The following PARD6G variants were observed in gnomAD, a reference collection of about 807,000 sequenced individuals.
PARD6G encodes partitioning defective 6 homolog gamma.
PARD6G carries 7 observed loss-of-function variants against 10.7 expected under a neutral mutation model. The ratio of observed to expected loss-of-function variants is 0.66; its 90% CI spans 0.37 to 1.23. PARD6G has a LOEUF of 1.23. PARD6G is among the 50% of genes most tolerant of loss of function. The probability of loss-of-function intolerance (pLI) is 0.02; values close to 1 mark genes in which losing one functional copy is unlikely to be tolerated. For synonymous variants in PARD6G, 287 were observed against 269.4 expected (o/e 1.07, Z -0.64); for missense variants, 548 against 571.8 (o/e 0.96, Z 0.42).
intron 1 of PARD6G, among the ~76,000 whole-genome samples, chr18:80,209,108 AAAACAAAC>A (rs999101770): frequency 5.3e-5 from 8 of 151,772 alleles, no homozygotes; most frequent in Non-Finnish European, 1.2e-4. Flanking sequence ...TCGAAAAAAG[AAAACAAAC>A]AAACAAACAA....
chr18:80,193,275 G>A (rs1252159231), intron 2 of PARD6G, among the ~76,000 whole-genome samples: 2 of 152,140 alleles, frequency 1.3e-5, no homozygotes, highest in African/African-American at 4.8e-5. Context: ...CGCATGGCCT[G>A]GGGAAGGGTC....
rs372668324 is a variant in PARD6G at position 80,160,667 on chromosome 18, G to A, written c.296-61C>T. ...CCGAGCCCCGCCTGAGCCCTCGGCC[G>A]TCATACACCTGGCACTGCTGTTCCA... On this transcript the variant is annotated intron_variant, in intron 2 of 2. Transcript: ENST00000353265. 2.9e-4 allele frequency: 420 copies of A among 1,426,446 alleles called. 1 individual carries two copies. In the African/African-American group the frequency reaches 5.6e-3, roughly 19 times the overall value. 88.4% of individuals were successfully genotyped at this position (1,426,446 alleles called of 1,614,324 possible).
At position 80,185,967 on chromosome 18, in the gene PARD6G, T is replaced by A. The variant is rs1480107437; in HGVS notation, c.295+16743A>T. ...CCTCACGCACGCATGCACCCACACA[T>A]GCACCCTCACACACGCATATACCCT... On this transcript the variant is annotated intron_variant, in intron 2 of 2. Transcript: ENST00000353265. Among the ~76,000 whole-genome samples the A allele has an allele frequency of 3.6e-5, 3 of 83,340 alleles. No homozygotes were observed. The Admixed American group carries it at 4.2e-4, about 12-fold the overall frequency. 54.7% of individuals were successfully genotyped at this position (83,340 alleles called of 152,430 possible). A position where few individuals can be genotyped will look rare whatever the true frequency, so the allele number is the denominator to read the frequency against.
chr18:80,212,005 G>A (rs1037224691), intron 1 of PARD6G, among the ~76,000 whole-genome samples: 3 of 152,030 alleles, frequency 2.0e-5, no homozygotes, highest in Non-Finnish European at 4.4e-5. Context: ...ATATACAGCA[G>A]GTCCTCAAAT....
chr18:80,218,493 AG>A (rs1967194398), intron 1 of PARD6G, among the ~76,000 whole-genome samples: 1 of 152,230 alleles, frequency 6.6e-6, no homozygotes, highest in African/African-American at 2.4e-5. Flanking sequence ...TGCAAGAGGT[AG>A]GCTCCCATGG....
At position 80,202,933 on chromosome 18, in the gene PARD6G, CT is replaced by C; in HGVS notation, c.73-2del. On this transcript the variant is annotated splice_acceptor_variant, in intron 1 of 2. Transcript: ENST00000353265. LOFTEE classifies it high-confidence loss of function. ...AGAACCTTCGGAATTCCGCCCCAAA[CT>C]ACAATGCAAGAGACGGGGTGGGGGG... 6.5e-7 allele frequency: 1 copy of C among 1,538,892 alleles called. No homozygotes were observed. The highest frequency in any genetic ancestry group is 8.8e-7 in the Non-Finnish European group (1 of 1,139,618).
At chr18:80,233,419 G>A (rs927308613) in intron 1 of PARD6G, among the ~76,000 whole-genome samples, 1 of 152,150 alleles carries the variant, frequency 6.6e-6, no homozygotes, top group Non-Finnish European at 1.5e-5. Flanking sequence ...TGGGCCCAAG[G>A]TGACTGCAGG....
Position 80,180,293 on chromosome 18 carries a change from G to A in PARD6G, c.296-19687C>T, listed in dbSNP as rs762135138. On this transcript the variant is annotated intron_variant, in intron 2 of 2. Transcript: ENST00000353265. The surrounding 1 kb of genome is among the most constrained non-coding windows in gnomAD (Gnocchi z 5.6). ...TGAGGCCTCTGCTTGGGAAGTTCCTGTCAGGAGAGGCAGGCAGGGCGTGGG... is the reference window on the plus strand; with the variant it reads ...TGAGGCCTCTGCTTGGGAAGTTCCTATCAGGAGAGGCAGGCAGGGCGTGGG... Among the ~76,000 whole-genome samples, 2 of 152,236 alleles carry A rather than the reference G, an allele frequency of 1.3e-5. No individual in the cohort carries two copies. The highest frequency in any genetic ancestry group is 1.9e-4 in the East Asian group (1 of 5,194).
chr18:80,174,293 C>G (rs2052795004), intron 2 of PARD6G, among the ~76,000 whole-genome samples: 2 of 152,176 alleles, frequency 1.3e-5, no homozygotes, highest in Admixed American at 1.3e-4. Context: ...CCTATTTCCT[C>G]CTTGGTCTTC....
chr18:80,216,785 G>A (rs1275720094), intron 1 of PARD6G, among the ~76,000 whole-genome samples: 1 of 152,036 alleles, frequency 6.6e-6, no homozygotes, highest in Admixed American at 6.5e-5. Flanking sequence ...ATAAACGGAA[G>A]ACTCAAAAAA....
Position 80,184,491 on chromosome 18 carries a change from C to T in PARD6G, c.295+18219G>A, listed in dbSNP as rs1381901593. 4.0e-5 allele frequency: 6 copies of T among 151,892 alleles called. No individual in the cohort carries two copies. Among genetic ancestry groups the T allele is most frequent in the African/African-American group, 9.7e-5 (4 of 41,228 alleles). The allele number at this position is 151,892 out of a possible 1,614,324, so 9.4% of individuals were successfully genotyped here. A position where few individuals can be genotyped will look rare whatever the true frequency, so the allele number is the denominator to read the frequency against. On this transcript the variant is annotated intron_variant, in intron 2 of 2. Coordinates refer to ENST00000353265, the MANE Select transcript of PARD6G (RefSeq NM_032510.4). This position sits in a 1 kb window ranked among gnomAD's most constrained non-coding sequence, Gnocchi z 4.5. ...CGTGAAACCTGCAGCGGGAGCAAGG[C>T]GGTGAAACCCGCAGAGGGAGCAAGG...
chr18:80,242,149 GC>G (rs920295893), intron 1 of PARD6G, among the ~76,000 whole-genome samples: 4 of 151,918 alleles, frequency 2.6e-5, no homozygotes, highest in African/African-American at 7.3e-5. Context: ...CGCCATCAGT[GC>G]CCCCCAGGCT....
chr18:80,189,711 T>A lies in PARD6G; in HGVS notation c.295+12999A>T, dbSNP rs921114828. 6.6e-5 allele frequency among the ~76,000 whole-genome samples: 10 copies of A among 152,042 alleles called. No homozygotes were observed. Among genetic ancestry groups the A allele is most frequent in the African/African-American group, 2.4e-4 (10 of 41,398 alleles). ...ACGTCCCCTGGGAGTCCCCCGTCCG[T>A]CGTTGAGGCTGTTCTTTCATCTCCC... On this transcript the variant is annotated intron_variant, in intron 2 of 2. Transcript: ENST00000353265. This position sits in a 1 kb window ranked among gnomAD's most constrained non-coding sequence, Gnocchi z 5.5.
rs1290157280 is a variant in PARD6G, at chr18:80,183,325, G to A, written c.295+19385C>T. On this transcript the variant is annotated intron_variant, in intron 2 of 2. Coordinates refer to ENST00000353265, the MANE Select transcript of PARD6G (RefSeq NM_032510.4). This position sits in a 1 kb window ranked among gnomAD's most constrained non-coding sequence, Gnocchi z 4.5. ...TCTCAGTGGCTCTAAAACAACAAGCGAAAGACAAAAAACCACCAGCATCCG... is the reference window on the plus strand; with the variant it reads ...TCTCAGTGGCTCTAAAACAACAAGCAAAAGACAAAAAACCACCAGCATCCG... Among the ~76,000 whole-genome samples the A allele has an allele frequency of 6.6e-6, 1 of 152,124 alleles. No homozygotes were observed. Among genetic ancestry groups the A allele is most frequent in the Non-Finnish European group, 1.5e-5 (1 of 68,014 alleles).
In PARD6G at chr18:80,199,557, T is replaced by C. The variant is rs763453369; in HGVS notation, c.295+3153A>G. ...AGTATTTTGCTGAAGGGTTTTTACA[T>C]CTACATTCATAAAGGAATGCTGTTC... On this transcript the variant is annotated intron_variant, in intron 2 of 2. Transcript: ENST00000353265. 4.8e-4 allele frequency among the ~76,000 whole-genome samples: 73 copies of C among 152,272 alleles called. 1 individual carries two copies. Among genetic ancestry groups the C allele is most frequent in the Non-Finnish European group, 6.2e-4 (42 of 68,056 alleles).
rs1421193565 is a variant in PARD6G, at chr18:80,228,396, C to T, written c.72+18881G>A. Among the ~76,000 whole-genome samples, 1 of 152,118 alleles carries T rather than the reference C, an allele frequency of 6.6e-6. No homozygotes were observed. Among genetic ancestry groups the T allele is most frequent in the African/African-American group, 2.4e-5 (1 of 41,420 alleles). On this transcript the variant is annotated intron_variant, in intron 1 of 2. Coordinates refer to ENST00000353265, the MANE Select transcript of PARD6G (RefSeq NM_032510.4). The surrounding 1 kb of genome is among the most constrained non-coding windows in gnomAD (Gnocchi z 4.6). ...GGCCACCCAGGTCCCTCTACATTGA[C>T]CCCCAGCCTCCTCAATCAGCTCTGC...
chr18:80,227,439 T>G (rs1967304214), intron 1 of PARD6G, among the ~76,000 whole-genome samples: 1 of 152,230 alleles, frequency 6.6e-6, no homozygotes. Context: ...TTCCCCCATC[T>G]GGAGCCAAAT....
In PARD6G at chr18:80,228,033, C is replaced by T. The variant is rs565302862; in HGVS notation, c.72+19244G>A. 3.9e-5 allele frequency among the ~76,000 whole-genome samples: 6 copies of T among 152,208 alleles called. No individual in the cohort carries two copies. The highest frequency in any genetic ancestry group is 3.9e-4 in the East Asian group (2 of 5,180). ...CCGTATTTTCCTGTGCTGGGCTGAA[C>T]GGTGAAAGAAAAATATGGTCTCCAT... is the stretch of plus-strand genomic sequence containing the variant. On this transcript the variant is annotated intron_variant, in intron 1 of 2. Coordinates refer to ENST00000353265, the MANE Select transcript of PARD6G (RefSeq NM_032510.4). This position sits in a 1 kb window ranked among gnomAD's most constrained non-coding sequence, Gnocchi z 4.6.
Position 80,202,948 on chromosome 18 carries a change from CGGGGT to C in PARD6G, c.73-21_73-17del. The C allele has an allele frequency of 6.5e-6, 7 of 1,075,142 alleles. No individual in the cohort carries two copies. Among genetic ancestry groups the C allele is most frequent in the Non-Finnish European group, 8.8e-6 (7 of 798,896 alleles). 66.6% of individuals were successfully genotyped at this position (1,075,142 alleles called of 1,614,324 possible). A position where few individuals can be genotyped will look rare whatever the true frequency, so the allele number is the denominator to read the frequency against. On this transcript the variant is annotated splice_polypyrimidine_tract_variant and intron_variant, in intron 1 of 2. Coordinates refer to ENST00000353265, the MANE Select transcript of PARD6G (RefSeq NM_032510.4). ...CCGCCCCAAACTACAATGCAAGAGA[CGGGGT>C]GGGGGGAGGGGCATTAATAAATACC...
Sources: gnomAD v4.1 joint callset for allele counts (sites outside exome capture counted in the v4.1 genomes callset) on GRCh38, gnomAD v4.1.1 for gene constraint, Gnocchi (gnomAD v3.1) non-coding constraint, MANE v1.5 for transcripts, NCBI Gene and HGNC (gene_info 2026-07-23, HGNC 2026-07-21) for gene names.